The following RALYL variants were observed in gnomAD, a reference collection of about 807,000 sequenced individuals.
RALYL encodes the protein RALY RNA binding protein like.
In RALYL, 29 loss-of-function variants were observed where a neutral mutation model predicts 35.1. The ratio of observed to expected loss-of-function variants is 0.83; its 90% confidence interval spans 0.61 to 1.13. RALYL has a LOEUF of 1.13. Ranked by LOEUF, RALYL falls within the 50% of genes most tolerant of loss-of-function variation. RALYL has a pLI of 0.00. For missense variants in RALYL, 359 were observed against 360.4 expected, an observed-to-expected ratio of 1.00 and a Z score of 0.03; for synonymous variants, 120 against 127.6, an observed-to-expected ratio of 0.94 and a Z score of 0.40.
chr8:84,526,001 G>T (rs1220629605), intron 1 of RALYL, among the ~76,000 whole-genome samples: 3 of 125,660 alleles, frequency 2.4e-5, no homozygotes, highest in Admixed American at 9.4e-5. Context: ...TTTGTCACTA[G>T]AATGCAGTGG....
intron 1 of RALYL, among the ~76,000 whole-genome samples, chr8:84,271,294 C>T (rs771180617): frequency 6.6e-6 from 1 of 152,032 alleles, no homozygotes; most frequent in East Asian, 1.9e-4. Context: ...AAAGTATACT[C>T]AACATCATTA....
chr8:84,410,661 AAT>A (rs1173058746), intron 1 of RALYL, among the ~76,000 whole-genome samples: 1 of 151,858 alleles, frequency 6.6e-6, no homozygotes, highest in East Asian at 1.9e-4. Context: ...GACCCCATTT[AAT>A]ATATATTGAC....
chr8:84,464,092 T>C (rs7812999), intron 1 of RALYL, among the ~76,000 whole-genome samples: 8,513 of 151,686 alleles, frequency 0.056, 567 homozygotes, highest in African/African-American at 0.16. Flanking sequence ...TTTTTAATTT[T>C]ATTGAAGTCC....
intron 1 of RALYL, among the ~76,000 whole-genome samples, chr8:84,297,595 T>C (rs1840005457): frequency 6.6e-6 from 1 of 152,168 alleles, no homozygotes; most frequent in Non-Finnish European, 1.5e-5. Context: ...ATAGGTCGAA[T>C]GGTAGTTTAA....
chr8:84,523,218 A>C (rs1480035935), intron 1 of RALYL, among the ~76,000 whole-genome samples: 2 of 152,184 alleles, frequency 1.3e-5, no homozygotes, highest in African/African-American at 4.8e-5. Flanking sequence ...GCGGAAGGTG[A>C]ATGAAGAGCA....
chr8:84,316,968 A>G (rs947127481), intron 1 of RALYL, among the ~76,000 whole-genome samples: 1 of 152,140 alleles, frequency 6.6e-6, no homozygotes, highest in Non-Finnish European at 1.5e-5. Context: ...ATTTAATAAC[A>G]CTTCATTTAA....
At chr8:84,681,959 T>A (rs1157438329) in intron 2 of RALYL, among the ~76,000 whole-genome samples, 1 of 152,236 alleles carries the variant, frequency 6.6e-6, no homozygotes, top group Non-Finnish European at 1.5e-5. Flanking sequence ...CCATTCAGTA[T>A]GATATTGGCT....
chr8:84,767,231 G>C (rs1222426867), intron 2 of RALYL, among the ~76,000 whole-genome samples: 1 of 152,166 alleles, frequency 6.6e-6, no homozygotes, highest in African/African-American at 2.4e-5. Flanking sequence ...TTTGCCTCAA[G>C]TTAGAATAGG....
chr8:84,467,133 A>T (rs867570789), intron 1 of RALYL, among the ~76,000 whole-genome samples: 408 of 151,664 alleles, frequency 2.7e-3, no homozygotes, highest in Middle Eastern at 0.01. Flanking sequence ...TTTTTGTGTC[A>T]CTATTTCCTT....
At chr8:84,879,534 C>T (rs1841811008) in intron 7 of RALYL, among the ~76,000 whole-genome samples, 1 of 151,882 alleles carries the variant, frequency 6.6e-6, no homozygotes. Context: ...CCTCAGCTTC[C>T]TAGGGATAAT....
intron 2 of RALYL, among the ~76,000 whole-genome samples, chr8:84,765,397 A>G (rs1013019629): frequency 2.0e-5 from 3 of 152,282 alleles, no homozygotes; most frequent in South Asian, 2.1e-4. Context: ...CTGCTGGGGC[A>G]GGGTATCACC....
At chr8:84,267,363 A>G (rs1008091291) in intron 1 of RALYL, among the ~76,000 whole-genome samples, 5 of 152,154 alleles carry the variant, frequency 3.3e-5, no homozygotes, top group Non-Finnish European at 5.9e-5. Context: ...TTAACCGTGA[A>G]TTGGCTGATG....
intron 2 of RALYL, among the ~76,000 whole-genome samples, chr8:84,582,076 G>C (rs1810961263): frequency 6.6e-6 from 1 of 152,148 alleles, no homozygotes; most frequent in Admixed American, 6.5e-5. Context: ...AATTAGGATT[G>C]TTAGCTATTT....
At chr8:84,501,205 T>C (rs2056619943) in intron 1 of RALYL, among the ~76,000 whole-genome samples, 2 of 152,192 alleles carry the variant, frequency 1.3e-5, no homozygotes, top group African/African-American at 2.4e-5. Context: ...GTTAATTTTC[T>C]GAAACTCTTT....
chr8:84,552,878 TTAAAA>T (rs1319111366), intron 2 of RALYL, among the ~76,000 whole-genome samples: 1 of 152,076 alleles, frequency 6.6e-6, no homozygotes, highest in African/African-American at 2.4e-5. Flanking sequence ...ATTAAGATCC[TTAAAA>T]TAAGACAAAG....
intron 2 of RALYL, among the ~76,000 whole-genome samples, chr8:84,562,660 A>G (rs1407002645): frequency 1.5e-5 from 2 of 132,440 alleles, no homozygotes; most frequent in African/African-American, 3.2e-5. Flanking sequence ...TTTAAAAATC[A>G]CTACTAACTA....
At chr8:84,736,410 T>C (rs1847321303) in intron 2 of RALYL, among the ~76,000 whole-genome samples, 1 of 152,074 alleles carries the variant, frequency 6.6e-6, no homozygotes, top group African/African-American at 2.4e-5. Flanking sequence ...AGACAGAATA[T>C]AATCCAGTGG....
chr8:84,675,306 CT>C (rs1296700001), intron 2 of RALYL, among the ~76,000 whole-genome samples: 2 of 151,906 alleles, frequency 1.3e-5, no homozygotes, highest in African/African-American at 4.8e-5. Flanking sequence ...TGAAGAATCT[CT>C]TTTTTCAAAA....
chr8:84,452,682 C>T (rs2049634543), intron 1 of RALYL, among the ~76,000 whole-genome samples: 1 of 151,814 alleles, frequency 6.6e-6, no homozygotes, highest in Non-Finnish European at 1.5e-5. Flanking sequence ...GAAATGTTGC[C>T]AAAGCTTTCG....
Sources: gnomAD v4.1 joint callset for allele counts (sites outside exome capture counted in the v4.1 genomes callset) on GRCh38, gnomAD v4.1.1 for gene constraint, MANE v1.5 for transcripts, NCBI Gene and HGNC (gene_info 2026-07-23, HGNC 2026-07-21) for gene names.